The following SAMD4A variants were observed in gnomAD, a reference collection of about 807,000 sequenced individuals.
SAMD4A encodes protein Smaug homolog 1.
Under a neutral mutation model 81.3 loss-of-function variants are expected in SAMD4A, and 33 were observed. That is an observed-to-expected ratio of 0.41 (90% CI 0.31 to 0.54). The LOEUF (loss-of-function observed/expected upper bound fraction) is 0.54, where lower values mean the gene tolerates loss of function less well. Among genes scored for constraint, SAMD4A ranks in the 20% least tolerant of loss-of-function variants. SAMD4A has a pLI of 0.37. For synonymous variants in SAMD4A, 389 were observed against 382.1 expected (o/e 1.02, Z -0.21); for missense variants, 854 against 951.1 (o/e 0.90, Z 1.34).
At chr14:54,615,346 C>A (rs918035041) in intron 2 of SAMD4A, among the ~76,000 whole-genome samples, 1 of 152,198 alleles carries the variant, frequency 6.6e-6, no homozygotes, top group African/African-American at 2.4e-5. Context: ...TAATTCTATT[C>A]CTTTTCCTAA....
intron 12 of SAMD4A, among the ~76,000 whole-genome samples, chr14:54,785,321 C>A (rs1395866452): frequency 6.6e-6 from 1 of 152,262 alleles, no homozygotes; most frequent in African/African-American, 2.4e-5. Flanking sequence ...TGGCTGGAAG[C>A]CATGCTTGGT....
intron 3 of SAMD4A, among the ~76,000 whole-genome samples, chr14:54,730,428 T>C (rs1356088111): frequency 6.6e-6 from 1 of 152,246 alleles, no homozygotes; most frequent in East Asian, 1.9e-4. Flanking sequence ...GGCTTCCTCC[T>C]TGGGCTTGTC....
At chr14:54,568,277 C>G (rs1001858883) in intron 2 of SAMD4A, among the ~76,000 whole-genome samples, 165 bp downstream of exon 2, 1 of 151,914 alleles carries the variant, frequency 6.6e-6, no homozygotes, top group African/African-American at 2.4e-5. Context: ...GGTGTCCCCC[C>G]ACTACCGCCC....
rs1013816856 is a variant in SAMD4A, at chr14:54,624,431, T to C, written c.196+56319T>C. Among the ~76,000 whole-genome samples the C allele has an allele frequency of 1.3e-5, 2 of 152,244 alleles. 1 individual carries two copies. Among genetic ancestry groups the C allele is most frequent in the Non-Finnish European group, 2.9e-5 (2 of 68,044 alleles). On this transcript the variant is annotated intron_variant, in intron 2 of 12. Coordinates refer to ENST00000554335, the MANE Select transcript of SAMD4A (RefSeq NM_015589.6). ...CCATTGACCCTTATTACACAAACCC[T>C]GACTGAGCCAAGGAGCCCAAACAGT...
intron 2 of SAMD4A, among the ~76,000 whole-genome samples, chr14:54,610,675 C>A (rs901076128): frequency 6.6e-6 from 1 of 152,146 alleles, no homozygotes; most frequent in Non-Finnish European, 1.5e-5. Flanking sequence ...CTATAAAGTC[C>A]GTGCTGAGTT....
chr14:54,706,381 G>C (rs1268624238), intron 3 of SAMD4A, among the ~76,000 whole-genome samples: 3 of 151,746 alleles, frequency 2.0e-5, no homozygotes, highest in Non-Finnish European at 4.4e-5. Context: ...AAGGTGGGCA[G>C]ATCACTTGAG....
In SAMD4A at chr14:54,789,378, G is replaced by A. The variant is rs868387148; in HGVS notation, c.*434G>A. 2.6e-5 allele frequency: 5 copies of A among 191,090 alleles called. No individual in the cohort carries two copies. Among genetic ancestry groups the A allele is most frequent in the African/African-American group, 7.0e-5 (3 of 42,618 alleles). The allele number at this position is 191,090 out of a possible 1,614,324, so 11.8% of individuals were successfully genotyped here. Reference sequence around the variant, plus strand: ...CACAGGCAGGCCACAGAAGGATATCGCGGGCACGTGCACCCAAAGCAAGAT... The same window carrying A: ...CACAGGCAGGCCACAGAAGGATATCACGGGCACGTGCACCCAAAGCAAGAT... On this transcript the variant is annotated 3_prime_UTR_variant, in exon 13 of 13. Transcript: ENST00000554335.
chr14:54,790,186 G>A lies in SAMD4A; in HGVS notation c.*1242G>A, dbSNP rs1353659598. 1 of 152,356 alleles carries A rather than the reference G, an allele frequency of 6.6e-6. No homozygotes were observed. Among genetic ancestry groups the A allele is most frequent in the African/African-American group, 2.4e-5 (1 of 41,456 alleles). The allele number at this position is 152,356 out of a possible 1,614,324, so 9.4% of individuals were successfully genotyped here. A position where few individuals can be genotyped will look rare whatever the true frequency, so the allele number is the denominator to read the frequency against. ...GGCTGCATCTACTTCACCTGTCACT[G>A]CTGAGGGAGAGGAGGGGAGAAAGGC... On this transcript the variant is annotated 3_prime_UTR_variant, in exon 13 of 13. Coordinates refer to ENST00000554335, the MANE Select transcript of SAMD4A (RefSeq NM_015589.6).
chr14:54,601,068 G>A (rs2034040660), intron 2 of SAMD4A, among the ~76,000 whole-genome samples: 1 of 152,174 alleles, frequency 6.6e-6, no homozygotes, highest in South Asian at 2.1e-4. Flanking sequence ...AGGGGACTAT[G>A]CCATAAATTC....
At chr14:54,653,852 C>A (rs960117439) in intron 2 of SAMD4A, among the ~76,000 whole-genome samples, 1 of 152,202 alleles carries the variant, frequency 6.6e-6, no homozygotes, top group Non-Finnish European at 1.5e-5. Flanking sequence ...CCCCTTCCCA[C>A]TATGTGGTTC....
chr14:54,585,064 A>G (rs1237335537), intron 2 of SAMD4A, among the ~76,000 whole-genome samples: 3 of 152,198 alleles, frequency 2.0e-5, no homozygotes, highest in Non-Finnish European at 4.4e-5. Context: ...AAATATACAA[A>G]ATTAGGTCCA....
chr14:54,749,314 C>T (rs1043849559), intron 5 of SAMD4A, among the ~76,000 whole-genome samples: 15 of 152,170 alleles, frequency 9.9e-5, no homozygotes, highest in Non-Finnish European at 1.5e-5. Context: ...CCTCCCTCTG[C>T]TCGAGCAGGG....
intron 4 of SAMD4A, among the ~76,000 whole-genome samples, chr14:54,737,542 CTTTT>C (rs758410575): frequency 1.2e-5 from 1 of 85,444 alleles, no homozygotes; most frequent in South Asian, 5.1e-4. Context: ...CTCTCTCTCT[CTTTT>C]TTTTTTTTTT....
Position 54,567,681 on chromosome 14 carries a change from C to A in SAMD4A, c.-236C>A. On this transcript the variant is annotated 5_prime_UTR_variant, in exon 2 of 13. Coordinates refer to ENST00000554335, the MANE Select transcript of SAMD4A (RefSeq NM_015589.6). ...CGTTTTTTTTTTTAAAGAAACATTT[C>A]CGTGCTACTGTCTGTCATCGTCTCT... The A allele has an allele frequency of 1.1e-3, 392 of 355,526 alleles. No individual in the cohort carries two copies. Among genetic ancestry groups the A allele is most frequent in the Non-Finnish European group, 1.5e-3 (278 of 190,646 alleles). 22.0% of individuals were successfully genotyped at this position (355,526 alleles called of 1,614,324 possible). A position where few individuals can be genotyped will look rare whatever the true frequency, so the allele number is the denominator to read the frequency against.
chr14:54,606,765 T>A (rs867805199), intron 2 of SAMD4A, among the ~76,000 whole-genome samples: 2 of 152,370 alleles, frequency 1.3e-5, no homozygotes, highest in Middle Eastern at 3.4e-3. Flanking sequence ...GTTAAAAGTA[T>A]TTTATACCCC....
chr14:54,751,914 T>C (rs563845207), intron 6 of SAMD4A, among the ~76,000 whole-genome samples: 3 of 152,318 alleles, frequency 2.0e-5, no homozygotes, highest in South Asian at 4.1e-4. Context: ...GCAGGGAATA[T>C]GCAGTGTGCT....
At position 54,776,431 on chromosome 14, in the gene SAMD4A, C is replaced by T; in HGVS notation, c.1935C>T (p.Asn645=). The change falls in exon 11 of 13, where the codon AAC becomes AAT. Residue 645 remains asparagine (N), a synonymous_variant. Coordinates refer to ENST00000554335, the MANE Select transcript of SAMD4A (RefSeq NM_015589.6). ...CTCACCAGAACCTGTGGTTTGCCAACCCCGGGGGCAGCAATAGCATGCCAA... is the reference window on the plus strand; with the variant it reads ...CTCACCAGAACCTGTGGTTTGCCAATCCCGGGGGCAGCAATAGCATGCCAA... ...KQGRQNLWFA[N]PGGSNSMPSR... is the part of the protein sequence containing the mutation. 1.3e-6 allele frequency: 2 copies of T among 1,591,792 alleles called. No homozygotes were observed. The highest frequency in any genetic ancestry group is 2.3e-5 in the South Asian group (2 of 87,618).
intron 2 of SAMD4A, among the ~76,000 whole-genome samples, chr14:54,625,831 C>G (rs1316068145): frequency 6.6e-6 from 1 of 152,176 alleles, no homozygotes; most frequent in Non-Finnish European, 1.5e-5. Flanking sequence ...CTATTTTCTT[C>G]CCTACTTCAT....
intron 2 of SAMD4A, among the ~76,000 whole-genome samples, chr14:54,577,795 C>T (rs957189037): frequency 1.3e-4 from 20 of 152,032 alleles, no homozygotes; most frequent in Non-Finnish European, 2.4e-4. Context: ...GGGGGGCACT[C>T]GAAAGCCAGG....
Sources: gnomAD v4.1 joint callset for allele counts (sites outside exome capture counted in the v4.1 genomes callset) on GRCh38, gnomAD v4.1.1 for gene constraint, MANE v1.5 for transcripts, NCBI Gene and HGNC (gene_info 2026-07-23, HGNC 2026-07-21) for gene names.